Variants in DOCK8 observed in about 807,000 individuals in gnomAD.
The protein encoded by DOCK8 is dedicator of cytokinesis 8.
Under a neutral mutation model 245.6 loss-of-function variants are expected in DOCK8, and 141 were observed. That is an observed-to-expected ratio of 0.57 (90% CI 0.50 to 0.66). The LOEUF (loss-of-function observed/expected upper bound fraction) is 0.66. Among genes scored for constraint, DOCK8 ranks in the 30% least tolerant of loss-of-function variants. The probability of loss-of-function intolerance (pLI) is 0.00; values close to 1 mark genes in which losing one functional copy is unlikely to be tolerated. For synonymous variants in DOCK8, 1,168 were observed against 970.2 expected, an observed-to-expected ratio of 1.20 and a Z score of -3.79; for missense variants, 2,965 against 2,603.4, an observed-to-expected ratio of 1.14 and a Z score of -3.02.
At chr9:249,299 G>C (rs1174276716) in intron 1 of DOCK8, among the ~76,000 whole-genome samples, 1 of 152,164 alleles carries the variant, frequency 6.6e-6, no homozygotes, top group Non-Finnish European at 1.5e-5. Context: ...CTGCGAAGTG[G>C]AGTGAAGTCA....
chr9:376,478 A>G (rs1221921927), intron 19 of DOCK8, among the ~76,000 whole-genome samples, 173 bp downstream of exon 19: 1 of 152,230 alleles, frequency 6.6e-6, no homozygotes, highest in Admixed American at 6.5e-5. Flanking sequence ...ATTGGAATAG[A>G]AAGACCTTAC....
chr9:373,754 C>G (rs947145993), intron 18 of DOCK8, among the ~76,000 whole-genome samples: 4 of 152,194 alleles, frequency 2.6e-5, no homozygotes, highest in African/African-American at 7.2e-5. Flanking sequence ...AGGCATGTGT[C>G]TGGTAAACCA....
In DOCK8 at chr9:305,510, C is replaced by A. The variant is rs986307144; in HGVS notation, c.528+806C>A. 2.6e-5 allele frequency among the ~76,000 whole-genome samples: 4 copies of A among 152,310 alleles called. No individual in the cohort carries two copies. The East Asian group carries it at 7.7e-4, about 29-fold the overall frequency. On this transcript the variant is annotated intron_variant, in intron 5 of 47. Coordinates refer to ENST00000432829, the MANE Select transcript of DOCK8 (RefSeq NM_203447.4). ...CCGTGTTAGTCAGGATGGTCCTGAT[C>A]TCCTGACCTTGTGATCCGCCCGCCT...
Position 399,326 on chromosome 9 carries a change from C to T in DOCK8, c.3234+67C>T, listed in dbSNP as rs551129468. On this transcript the variant is annotated intron_variant, in intron 26 of 47. Transcript: ENST00000432829. ...GTTCCTTCTCATATAATGTGATGTT[C>T]GTTGCCATGGCACGCTGTCTTCTTC... 312 of 1,094,922 alleles carry T rather than the reference C, an allele frequency of 2.8e-4. 2 individuals are homozygous for T. Among genetic ancestry groups the T allele is most frequent in the African/African-American group, 3.6e-4 (19 of 53,172 alleles). The allele number at this position is 1,094,922 out of a possible 1,614,324, so 67.8% of individuals were successfully genotyped here. A position where few individuals can be genotyped will look rare whatever the true frequency, so the allele number is the denominator to read the frequency against.
In DOCK8 at chr9:433,987, T is replaced by C. The variant is rs773481586; in HGVS notation, c.4886+12T>C. ...GATCTCATGTACAGGTAAGCTTTCC[T>C]GACACACTCAAGGGACACCATTTGG... On this transcript the variant is annotated intron_variant, in intron 38 of 47. Transcript: ENST00000432829. 2 of 1,591,626 alleles carry C rather than the reference T, an allele frequency of 1.3e-6. No homozygotes were observed. Among genetic ancestry groups the C allele is most frequent in the East Asian group, 4.5e-5 (2 of 44,728 alleles).
chr9:279,303 G>A (rs571899266), intron 2 of DOCK8, among the ~76,000 whole-genome samples: 2 of 152,282 alleles, frequency 1.3e-5, no homozygotes, highest in Non-Finnish European at 2.9e-5. Context: ...GTGATGTTGA[G>A]GTGTAATTGG....
intron 14 of DOCK8, among the ~76,000 whole-genome samples, chr9:348,238 A>G (rs1253431772): frequency 6.6e-6 from 1 of 152,170 alleles, no homozygotes. Context: ...GTTGCTTACT[A>G]TACATATTTA....
chr9:289,117 G>C (rs879562695), intron 3 of DOCK8, among the ~76,000 whole-genome samples: 2 of 152,108 alleles, frequency 1.3e-5, no homozygotes, highest in African/African-American at 2.4e-5. Flanking sequence ...GAACACGCGT[G>C]TCCTAACAAG....
chr9:402,811 G>T (rs1289667335), intron 26 of DOCK8, among the ~76,000 whole-genome samples: 1 of 152,156 alleles, frequency 6.6e-6, no homozygotes, highest in Non-Finnish European at 1.5e-5. Context: ...GGCATTGTGG[G>T]TCTTGACCTT....
intron 1 of DOCK8, among the ~76,000 whole-genome samples, chr9:262,442 T>C (rs543839589): frequency 1.1e-5 from 1 of 91,488 alleles, no homozygotes; most frequent in African/African-American, 3.6e-5. Context: ...GACAGATGAA[T>C]GGATTTAAAA....
chr9:255,248 A>T (rs2047741789), intron 1 of DOCK8, among the ~76,000 whole-genome samples: 1 of 152,224 alleles, frequency 6.6e-6, no homozygotes, highest in Non-Finnish European at 1.5e-5. Context: ...CCTTATAACG[A>T]TCCTGAGACT....
At chr9:288,374 T>C (rs899270127) in intron 3 of DOCK8, among the ~76,000 whole-genome samples, 1 of 152,144 alleles carries the variant, frequency 6.6e-6, no homozygotes, top group African/African-American at 2.4e-5. Flanking sequence ...TGGATTCAGG[T>C]CCCTGCTCCA....
chr9:233,795 G>T (rs2047179678), intron 1 of DOCK8, among the ~76,000 whole-genome samples: 1 of 151,898 alleles, frequency 6.6e-6, no homozygotes, highest in Non-Finnish European at 1.5e-5. Context: ...GTGTGTCTCT[G>T]CACGTGAGAT....
At chr9:260,409 G>A (rs1477850050) in intron 1 of DOCK8, among the ~76,000 whole-genome samples, 1 of 152,188 alleles carries the variant, frequency 6.6e-6, no homozygotes, top group African/African-American at 2.4e-5. Context: ...TGGTTCTTCA[G>A]GATAGTTACA....
intron 39 of DOCK8, 110 bp from the exon 40 acceptor site, chr9:439,135 C>T: frequency 7.1e-7 from 1 of 1,401,028 alleles, no homozygotes; most frequent in Non-Finnish European, 1.0e-6. Context: ...TAGTCACGGT[C>T]TTGGTAAGGA....
intron 28 of DOCK8, among the ~76,000 whole-genome samples, chr9:411,253 A>ATGTTGGGT (rs2055711591): frequency 6.6e-6 from 1 of 152,104 alleles, no homozygotes; most frequent in Admixed American, 6.6e-5. Flanking sequence ...TCTCTACTAA[A>ATGTTGGGT]AATACAAAAA....
chr9:418,474 G>T (rs1459424647), intron 30 of DOCK8, among the ~76,000 whole-genome samples: 1 of 152,008 alleles, frequency 6.6e-6, no homozygotes, highest in Non-Finnish European at 1.5e-5. Context: ...CGCCATGTTG[G>T]CCAGGCTGGT....
chr9:384,447 A>C (rs980885862), intron 22 of DOCK8, among the ~76,000 whole-genome samples: 2 of 152,128 alleles, frequency 1.3e-5, no homozygotes, highest in African/African-American at 4.8e-5. Context: ...GCCACTTGAC[A>C]CTGTGTGGTG....
At chr9:250,525 G>T (rs2047620540) in intron 1 of DOCK8, among the ~76,000 whole-genome samples, 1 of 152,002 alleles carries the variant, frequency 6.6e-6, no homozygotes, top group Non-Finnish European at 1.5e-5. Flanking sequence ...TTCCTTATTG[G>T]GATTCCCCCA....
Sources: allele counts gnomAD v4.1 joint callset (sites outside exome capture counted in the v4.1 genomes callset), GRCh38; gene constraint gnomAD v4.1.1; transcripts MANE v1.5; gene names NCBI Gene and HGNC (gene_info 2026-07-23, HGNC 2026-07-21).